CDH4: variants seen among roughly 807,000 people sequenced by gnomAD.
The protein encoded by CDH4 is cadherin 4.
A neutral mutation model predicts 86.0 loss-of-function variants in CDH4; 33 were observed. The observed-to-expected ratio is 0.38, with a 90% CI of 0.29 to 0.51. CDH4 has a LOEUF of 0.51. Ranked by LOEUF, CDH4 falls within the 20% of genes least tolerant of loss-of-function variation. CDH4 has a pLI of 0.86. For synonymous variants in CDH4, 555 were observed against 549.4 expected (o/e 1.01, Z -0.14); for missense variants, 1,114 against 1,307.4 (o/e 0.85, Z 2.28).
intron 4 of CDH4, among the ~76,000 whole-genome samples, chr20:61,836,168 A>T (rs1344594435): frequency 6.6e-6 from 1 of 152,164 alleles, no homozygotes; most frequent in Non-Finnish European, 1.5e-5. Context: ...GGCTACGGGG[A>T]GGGTGAGGCA....
intron 2 of CDH4, among the ~76,000 whole-genome samples, chr20:61,461,567 G>A (rs538696596): frequency 1.1e-4 from 16 of 152,240 alleles, no homozygotes; most frequent in African/African-American, 2.6e-4. Context: ...GTCCAGGCAC[G>A]GATGCCTGGG....
rs2054741653 is a variant in CDH4 at position 61,902,836 on chromosome 20, C to A, written c.1189-7586C>A. 6.6e-6 allele frequency among the ~76,000 whole-genome samples: 1 copy of A among 152,112 alleles called. No homozygotes were observed. Among genetic ancestry groups the A allele is most frequent in the African/African-American group, 2.4e-5 (1 of 41,420 alleles). On this transcript the variant is annotated intron_variant, in intron 8 of 15. Transcript: ENST00000614565. This position sits in a 1 kb window ranked among gnomAD's most constrained non-coding sequence, Gnocchi z 4.6. Reference sequence around the variant, plus strand: ...GTATGAGGTCAGCGCCTCGTCACCACCTGTCTCAGAGAGCTGATTAAAAAT... The same window carrying A: ...GTATGAGGTCAGCGCCTCGTCACCAACTGTCTCAGAGAGCTGATTAAAAAT...
At chr20:61,798,246 G>A (rs769910191) in intron 4 of CDH4, among the ~76,000 whole-genome samples, 32 of 128,780 alleles carry the variant, frequency 2.5e-4, no homozygotes, top group African/African-American at 8.2e-4. Flanking sequence ...AGCTCCCTGC[G>A]GGAGCACGCA....
intron 2 of CDH4, among the ~76,000 whole-genome samples, chr20:61,647,196 C>T (rs2087070259): frequency 6.6e-6 from 1 of 152,132 alleles, no homozygotes; most frequent in Non-Finnish European, 1.5e-5. Flanking sequence ...CCTTGGGTTC[C>T]CAGCAGCTCA....
intron 5 of CDH4, among the ~76,000 whole-genome samples, chr20:61,845,495 G>A (rs1982406561): frequency 6.6e-6 from 1 of 152,234 alleles, no homozygotes; most frequent in African/African-American, 2.4e-5. Flanking sequence ...GCAGTGGGGA[G>A]TGCACATCCC....
chr20:61,443,183 C>A (rs1379807159), intron 2 of CDH4, among the ~76,000 whole-genome samples: 1 of 152,222 alleles, frequency 6.6e-6, no homozygotes, highest in Non-Finnish European at 1.5e-5. Context: ...GAAGGCTGGG[C>A]ATATTTAAAT....
chr20:61,698,357 T>C (rs55731000), intron 2 of CDH4, among the ~76,000 whole-genome samples: 6,079 of 152,352 alleles, frequency 0.04, 136 homozygotes, highest in Middle Eastern at 0.078. Flanking sequence ...TATGGCTCCA[T>C]TCATGCAGAA....
At chr20:61,658,633 A>G (rs933158054) in intron 2 of CDH4, among the ~76,000 whole-genome samples, 6 of 152,148 alleles carry the variant, frequency 3.9e-5, no homozygotes, top group South Asian at 2.1e-4. Flanking sequence ...CACCCCATAC[A>G]TGTCCTGGCC....
intron 2 of CDH4, among the ~76,000 whole-genome samples, chr20:61,431,965 G>A (rs1248565359): frequency 1.3e-5 from 2 of 152,164 alleles, no homozygotes; most frequent in African/African-American, 2.4e-5. Flanking sequence ...CTCTGTCCGC[G>A]TCATTGTGCG....
intron 2 of CDH4, chr20:61,718,040 C>T (rs1015521717): frequency 6.6e-6 from 1 of 152,484 alleles, no homozygotes; most frequent in African/African-American, 2.4e-5. Context: ...CAATGCTGGC[C>T]TCTGTGGGTA....
chr20:61,924,568 G>T (rs565377198), intron 11 of CDH4, 92 bp downstream of exon 11: 2 of 1,420,952 alleles, frequency 1.4e-6, no homozygotes, highest in Non-Finnish European at 1.9e-6. Flanking sequence ...GGGAGACCCC[G>T]AGAGGCCAGC....
rs142730388 is a variant in CDH4, at chr20:61,324,941, G to A, written c.169+70004G>A. On this transcript the variant is annotated intron_variant, in intron 2 of 15. Coordinates refer to ENST00000614565, the MANE Select transcript of CDH4 (RefSeq NM_001794.5). ...CAAGAACAATTTCCGAGACCACATC[G>A]AGCCTGTTTCTTAAGCTTGCAGGAA... Among the ~76,000 whole-genome samples, 1,044 of 152,180 alleles carry A rather than the reference G, an allele frequency of 6.9e-3. 6 individuals carry two copies. The highest frequency in any genetic ancestry group is 0.016 in the African/African-American group (663 of 41,510).
intron 2 of CDH4, among the ~76,000 whole-genome samples, chr20:61,531,883 G>A (rs1295715676): frequency 2.6e-5 from 4 of 152,238 alleles, no homozygotes; most frequent in Non-Finnish European, 5.9e-5. Flanking sequence ...GCAGGATTTA[G>A]ATAAAATGCT....
At chr20:61,360,404 C>T (rs1242637413) in intron 2 of CDH4, among the ~76,000 whole-genome samples, 2 of 152,172 alleles carry the variant, frequency 1.3e-5, no homozygotes, top group Non-Finnish European at 2.9e-5. Flanking sequence ...GTCAGGATCC[C>T]GGGTTTGTGT....
At chr20:61,837,518 G>A (rs1981934417) in intron 4 of CDH4, among the ~76,000 whole-genome samples, 1 of 152,198 alleles carries the variant, frequency 6.6e-6, no homozygotes, top group Non-Finnish European at 1.5e-5. Flanking sequence ...GAGATGGTCA[G>A]GTGGGGCTGA....
chr20:61,926,724 T>C (rs1276816115), intron 11 of CDH4, among the ~76,000 whole-genome samples: 1 of 152,014 alleles, frequency 6.6e-6, no homozygotes, highest in Non-Finnish European at 1.5e-5. Context: ...AATACAAAAA[T>C]TAGCTAGGCA....
Position 61,431,826 on chromosome 20 carries a change from G to A in CDH4, c.169+176889G>A, listed in dbSNP as rs188971764. 4.7e-3 allele frequency among the ~76,000 whole-genome samples: 721 copies of A among 152,100 alleles called. 9 individuals carry two copies. The highest frequency in any genetic ancestry group is 0.016 in the African/African-American group (670 of 41,482). On this transcript the variant is annotated intron_variant, in intron 2 of 15. Coordinates refer to ENST00000614565, the MANE Select transcript of CDH4 (RefSeq NM_001794.5). Reference sequence around the variant, plus strand: ...TCCCCTCCCCCATCCCCTGGCAACCGGCTTATGGAACCCATCATTAAGACC... The same window carrying A: ...TCCCCTCCCCCATCCCCTGGCAACCAGCTTATGGAACCCATCATTAAGACC...
At chr20:61,637,589 CTTTTATT>C (rs2086960575) in intron 2 of CDH4, among the ~76,000 whole-genome samples, 1 of 152,154 alleles carries the variant, frequency 6.6e-6, no homozygotes, top group South Asian at 2.1e-4. Context: ...CTTTTTTTCT[CTTTTATT>C]TTTTATTTTT....
At chr20:61,795,432 G>T (rs1979487515) in intron 4 of CDH4, among the ~76,000 whole-genome samples, 1 of 152,054 alleles carries the variant, frequency 6.6e-6, no homozygotes, top group African/African-American at 2.4e-5. Context: ...CCCCAGGAAG[G>T]TGAGAGGAAT....
Sources: allele counts gnomAD v4.1 joint callset (sites outside exome capture counted in the v4.1 genomes callset), GRCh38; gene constraint gnomAD v4.1.1; non-coding constraint Gnocchi (gnomAD v3.1); transcripts MANE v1.5; gene names NCBI Gene and HGNC (gene_info 2026-07-23, HGNC 2026-07-21).